NRL: variants seen among roughly 807,000 people sequenced by gnomAD.
The protein encoded by NRL is neural retina leucine zipper, also known as neural retina-specific leucine zipper protein.
Under a neutral mutation model 12.5 loss-of-function variants are expected in NRL, and 16 were observed. That is an observed-to-expected ratio of 1.28 (90% CI 0.87 to 1.95). The LOEUF is 1.95. Among genes scored for constraint, NRL ranks in the 30% most tolerant of loss-of-function variants. The pLI, the probability that NRL is intolerant of heterozygous loss-of-function variation, is 0.00. For synonymous variants in NRL, 142 were observed against 150.9 expected (o/e 0.94, Z 0.43); for missense variants, 314 against 325.8 (o/e 0.96, Z 0.28).
In NRL at chr14:24,102,785, C is replaced by T. The variant is rs200437491; in HGVS notation, c.-28+11937G>A. On this transcript the variant is annotated intron_variant, in intron 1 of 2. Transcript: ENST00000561028. ...GGAGCCCTGTGCACATCCCAACTCTCGATTTTGTGCCCCGGCTCGCCAGTG... is the reference window on the plus strand; with the variant it reads ...GGAGCCCTGTGCACATCCCAACTCTTGATTTTGTGCCCCGGCTCGCCAGTG... 158 of 1,613,788 alleles carry T rather than the reference C, an allele frequency of 9.8e-5. 1 individual carries two copies. Among genetic ancestry groups the T allele is most frequent in the Non-Finnish European group, 1.2e-4 (145 of 1,179,800 alleles).
At chr14:24,114,203 C>G (rs2037481256) in intron 1 of NRL, 1 of 152,228 alleles carries the variant, frequency 6.6e-6, no homozygotes, top group South Asian at 2.1e-4. Context: ...CAGAAAGACG[C>G]GTGTATTAGG....
In NRL at chr14:24,082,775, C is replaced by A; in HGVS notation, c.74G>T (p.Arg25Leu). The change falls in exon 2 of 3, where the codon CGG becomes CTG. Residue 25 changes from arginine to leucine, a missense_variant. Coordinates refer to ENST00000561028, the MANE Select transcript of NRL (RefSeq NM_001354768.3). ...GCCAGGTCGGCCCTCAGAGGGTTCC[C>A]GCTTTACCTCAAACTTCATCAAGTC... is the stretch of plus-strand genomic sequence containing the variant. The part of the protein sequence containing the change: ...DFDLMKFEVK[R>L]EPSEGRPGPP... 1 of 1,614,174 alleles carries A rather than the reference C, an allele frequency of 6.2e-7. No individual in the cohort carries two copies.
chr14:24,091,861 G>A (rs148468939), intron 1 of NRL, among the ~76,000 whole-genome samples: 1 of 152,098 alleles, frequency 6.6e-6, no homozygotes, highest in Non-Finnish European at 1.5e-5. Flanking sequence ...AAGCTTTAGA[G>A]CAGGAATGAA....
intron 1 of NRL, chr14:24,100,259 C>A (rs780631374): frequency 1.9e-6 from 3 of 1,600,100 alleles, no homozygotes; most frequent in South Asian, 1.1e-5. Context: ...GGCCTCAGCA[C>A]CTTAATGGTG....
chr14:24,104,177 T>C (rs1159714895), intron 1 of NRL: 1 of 569,926 alleles, frequency 1.8e-6, no homozygotes, highest in African/African-American at 1.9e-5. Flanking sequence ...GGCTTCCCTC[T>C]AACACCTGTC....
At chr14:24,103,177 G>A (rs750889427) in intron 1 of NRL, 24 of 1,613,634 alleles carry the variant, frequency 1.5e-5, no homozygotes, top group East Asian at 2.2e-5. Context: ...CCTGGTATAC[G>A]AGGCCTTCAA....
intron 1 of NRL, chr14:24,100,328 C>T: frequency 6.6e-7 from 1 of 1,506,776 alleles, no homozygotes; most frequent in East Asian, 2.3e-5. Context: ...GCACAGAAGT[C>T]ATGAACGTTT....
At chr14:24,097,150 C>T (rs1309344572) in intron 1 of NRL, 1 of 1,612,230 alleles carries the variant, frequency 6.2e-7, no homozygotes, top group Admixed American at 1.7e-5. Context: ...AAGCCTTGGG[C>T]TCCACAACCT....
At chr14:24,098,305 G>C in intron 1 of NRL, 1 of 1,614,098 alleles carries the variant, frequency 6.2e-7, no homozygotes, top group South Asian at 1.1e-5. Flanking sequence ...CGCCTGGTGG[G>C]GCCCGTGGGC....
chr14:24,103,327 AC>A, intron 1 of NRL: 1 of 1,333,862 alleles, frequency 7.5e-7, no homozygotes, highest in Non-Finnish European at 1.1e-6. Flanking sequence ...CCTGAGCCAG[AC>A]CTTCCTTTTG....
At chr14:24,082,020 T>G in intron 2 of NRL, 1 of 1,198,162 alleles carries the variant, frequency 8.3e-7, no homozygotes, top group Non-Finnish European at 1.0e-6. Flanking sequence ...CCCCCATCTG[T>G]GTCTGTAATT....
chr14:24,081,099 G>C lies in NRL; in HGVS notation c.*137C>G, dbSNP rs1232996224. ...ATGACTTGAGGACCCAAAAGCTTTG[G>C]GGATATTTGCGCGGTCATACAGGGC... On this transcript the variant is annotated 3_prime_UTR_variant, in exon 3 of 3. Transcript: ENST00000561028. The surrounding 1 kb of genome is among the most constrained non-coding windows in gnomAD (Gnocchi z 4.4). 3.9e-6 allele frequency: 2 copies of C among 512,196 alleles called. No individual in the cohort carries two copies. Among genetic ancestry groups the C allele is most frequent in the Non-Finnish European group, 6.2e-6 (2 of 324,622 alleles). 31.7% of individuals were successfully genotyped at this position (512,196 alleles called of 1,614,324 possible).
In NRL at chr14:24,094,928, TG is replaced by T; in HGVS notation, c.-27-12054del. The stretch of plus-strand genomic sequence containing the variant: ...TATCCATTCCCGGCCTCTCCCGGAC[TG>T]GAAGGACTGGAACCTGGCGGGAAGT... On this transcript the variant is annotated intron_variant, in intron 1 of 2. Transcript: ENST00000561028. The surrounding 1 kb of genome is among the most constrained non-coding windows in gnomAD (Gnocchi z 4.1). 1.8e-6 allele frequency: 2 copies of T among 1,085,428 alleles called. No homozygotes were observed. The highest frequency in any genetic ancestry group is 2.5e-6 in the Non-Finnish European group (2 of 809,200). 67.2% of individuals were successfully genotyped at this position (1,085,428 alleles called of 1,614,324 possible). A position where few individuals can be genotyped will look rare whatever the true frequency, so the allele number is the denominator to read the frequency against.
chr14:24,097,677 T>C (rs1467826667), intron 1 of NRL, among the ~76,000 whole-genome samples: 1 of 150,676 alleles, frequency 6.6e-6, no homozygotes, highest in Non-Finnish European at 1.5e-5. Context: ...AACCTCTGCC[T>C]CCGGGGAATT....
chr14:24,081,671 G>C lies in NRL; in HGVS notation c.382-103C>G. 6.5e-7 allele frequency: 1 copy of C among 1,529,418 alleles called. No individual in the cohort carries two copies. The highest frequency in any genetic ancestry group is 8.8e-7 in the Non-Finnish European group (1 of 1,138,434). 94.7% of individuals were successfully genotyped at this position (1,529,418 alleles called of 1,614,324 possible). A position where few individuals can be genotyped will look rare whatever the true frequency, so the allele number is the denominator to read the frequency against. On this transcript the variant is annotated intron_variant, in intron 2 of 2. Transcript: ENST00000561028. This position sits in a 1 kb window ranked among gnomAD's most constrained non-coding sequence, Gnocchi z 4.4. Reference sequence around the variant, plus strand: ...CTCCGCCCCGGGACAGCCCCGCCCCGGCTCCCACCTTCACCGGAAGGCTCG... The same window carrying C: ...CTCCGCCCCGGGACAGCCCCGCCCCCGCTCCCACCTTCACCGGAAGGCTCG...
intron 1 of NRL, chr14:24,102,643 T>C: frequency 1.1e-6 from 1 of 898,152 alleles, no homozygotes; most frequent in Non-Finnish European, 1.7e-6. Flanking sequence ...TCTAGGCAGC[T>C]GATGAGGCAA....
At position 24,081,949 on chromosome 14, in the gene NRL, C is replaced by A; in HGVS notation, c.382-381G>T. ...CCTCCAACGCGCTGCGTTTCCCTGT[C>A]CTGAAGCCTGCAACCCGGTGACCCT... On this transcript the variant is annotated intron_variant, in intron 2 of 2. Transcript: ENST00000561028. This position sits in a 1 kb window ranked among gnomAD's most constrained non-coding sequence, Gnocchi z 4.4. 1 of 1,241,148 alleles carries A rather than the reference C, an allele frequency of 8.1e-7. No individual in the cohort carries two copies. The highest frequency in any genetic ancestry group is 1.0e-6 in the Non-Finnish European group (1 of 980,376). The allele number at this position is 1,241,148 out of a possible 1,614,324, so 76.9% of individuals were successfully genotyped here. A position where few individuals can be genotyped will look rare whatever the true frequency, so the allele number is the denominator to read the frequency against.
Position 24,094,778 on chromosome 14 carries a change from G to T in NRL, c.-27-11903C>A. 1 of 1,396,830 alleles carries T rather than the reference G, an allele frequency of 7.2e-7. No homozygotes were observed. The highest frequency in any genetic ancestry group is 9.4e-7 in the Non-Finnish European group (1 of 1,058,494). 86.5% of individuals were successfully genotyped at this position (1,396,830 alleles called of 1,614,324 possible). On this transcript the variant is annotated intron_variant, in intron 1 of 2. Transcript: ENST00000561028. This position sits in a 1 kb window ranked among gnomAD's most constrained non-coding sequence, Gnocchi z 4.1. ...CTTTCCTTCCCAGATACCTCCCTCGGACCTCTAACGGGCTCTCAGCCAGCG... is the reference window on the plus strand; with the variant it reads ...CTTTCCTTCCCAGATACCTCCCTCGTACCTCTAACGGGCTCTCAGCCAGCG...
chr14:24,114,823 C>G lies in NRL; in HGVS notation c.-129G>C. The G allele has an allele frequency of 4.1e-6, 4 of 985,962 alleles. No homozygotes were observed. The South Asian group carries it at 1.9e-4, about 46-fold the overall frequency. The allele number at this position is 985,962 out of a possible 1,614,324, so 61.1% of individuals were successfully genotyped here. A position where few individuals can be genotyped will look rare whatever the true frequency, so the allele number is the denominator to read the frequency against. ...GGCCAGGAAGCCGCGAGATGCGTGA[C>G]GAGCGAAGCGCGTGACGGAGGAGCG... On this transcript the variant is annotated 5_prime_UTR_variant, in exon 1 of 3. Transcript: ENST00000561028.
Sources: allele counts gnomAD v4.1 joint callset (sites outside exome capture counted in the v4.1 genomes callset), GRCh38; gene constraint gnomAD v4.1.1; non-coding constraint Gnocchi (gnomAD v3.1); transcripts MANE v1.5; gene names NCBI Gene and HGNC (gene_info 2026-07-23, HGNC 2026-07-21).